The following PXDNL variants were observed in gnomAD, a reference collection of about 807,000 sequenced individuals.
PXDNL encodes peroxidasin like.
A neutral mutation model predicts 150.8 loss-of-function variants in PXDNL; 145 were observed. The ratio of observed to expected loss-of-function variants is 0.96; its 90% CI spans 0.84 to 1.10. PXDNL has a LOEUF of 1.10. PXDNL is among the 50% of genes least tolerant of loss of function. The pLI, the probability that PXDNL is intolerant of heterozygous loss-of-function variation, is 0.00. For synonymous variants in PXDNL, 757 were observed against 725.7 expected, an observed-to-expected ratio of 1.04 and a Z score of -0.69; for missense variants, 2,087 against 1,873.9, an observed-to-expected ratio of 1.11 and a Z score of -2.10.
chr8:51,376,723 CTCTT>C (rs1807322376), intron 17 of PXDNL, among the ~76,000 whole-genome samples: 2 of 149,012 alleles, frequency 1.3e-5, no homozygotes, highest in African/African-American at 5.1e-5. Context: ...CTCTCTCTCT[CTCTT>C]TTTTTTTTTT....
chr8:51,342,925 G>C (rs1212352916), intron 20 of PXDNL, among the ~76,000 whole-genome samples: 1 of 148,852 alleles, frequency 6.7e-6, no homozygotes, highest in Non-Finnish European at 1.5e-5. Flanking sequence ...CCAGTACACA[G>C]TCTATTTTCC....
At chr8:51,710,959 A>G (rs1816484769) in intron 1 of PXDNL, among the ~76,000 whole-genome samples, 2 of 152,204 alleles carry the variant, frequency 1.3e-5, no homozygotes, top group African/African-American at 4.8e-5. Flanking sequence ...ATCAAGAACA[A>G]GATAAGAATG....
intron 8 of PXDNL, among the ~76,000 whole-genome samples, chr8:51,464,020 TAAAA>T (rs5891415): frequency 7.5e-6 from 1 of 132,674 alleles, no homozygotes; most frequent in Non-Finnish European, 1.7e-5. Flanking sequence ...CTAAAGGAAC[TAAAA>T]AAAAAAAAAA....
intron 2 of PXDNL, among the ~76,000 whole-genome samples, chr8:51,634,081 T>C (rs771916180): frequency 4.6e-5 from 7 of 152,152 alleles, no homozygotes; most frequent in Non-Finnish European, 8.8e-5. Flanking sequence ...TGGTATTTCC[T>C]AGGTTTTCTA....
At chr8:51,731,869 C>T (rs577847670) in intron 1 of PXDNL, among the ~76,000 whole-genome samples, 2 of 152,350 alleles carry the variant, frequency 1.3e-5, no homozygotes, top group East Asian at 3.9e-4. Flanking sequence ...CCTGAGACTG[C>T]ACACAGCAAG....
intron 4 of PXDNL, among the ~76,000 whole-genome samples, chr8:51,551,730 T>C (rs534356129): frequency 6.6e-6 from 1 of 152,228 alleles, no homozygotes; most frequent in Admixed American, 6.5e-5. Context: ...TTCTAGAAGA[T>C]AACATTGTAA....
intron 4 of PXDNL, among the ~76,000 whole-genome samples, chr8:51,508,534 A>G (rs1294000508): frequency 6.6e-6 from 1 of 152,062 alleles, no homozygotes; most frequent in Non-Finnish European, 1.5e-5. Context: ...TCCCACCTCA[A>G]TGGGCCTCCT....
In PXDNL at chr8:51,660,180, G is replaced by A. The variant is rs997547386; in HGVS notation, c.165-5420C>T. ...GCTGAGATTACAGGCATGAGCCACC[G>A]CGCCCAGCCCACAATTTAAGATATT... On this transcript the variant is annotated intron_variant, in intron 1 of 22. Coordinates refer to ENST00000356297, the MANE Select transcript of PXDNL (RefSeq NM_144651.5). 3.6e-5 allele frequency among the ~76,000 whole-genome samples: 4 copies of A among 112,222 alleles called. No individual in the cohort carries two copies. In the Admixed American group the frequency reaches 4.0e-4, roughly 11 times the overall value. The allele number at this position is 112,222 out of a possible 152,430, so 73.6% of individuals were successfully genotyped here.
intron 14 of PXDNL, among the ~76,000 whole-genome samples, chr8:51,415,299 T>C (rs1189288898): frequency 6.6e-6 from 1 of 152,184 alleles, no homozygotes; most frequent in Admixed American, 6.5e-5. Context: ...TGAGACTGTG[T>C]AATTTACAAA....
intron 4 of PXDNL, among the ~76,000 whole-genome samples, chr8:51,517,983 G>C (rs1349999028): frequency 6.6e-6 from 1 of 152,178 alleles, no homozygotes; most frequent in African/African-American, 2.4e-5. Flanking sequence ...GTTTGGTGTA[G>C]TTAGTTCCTT....
At chr8:51,376,639 G>A (rs1807318057) in intron 17 of PXDNL, among the ~76,000 whole-genome samples, 1 of 151,862 alleles carries the variant, frequency 6.6e-6, no homozygotes, top group Non-Finnish European at 1.5e-5. Flanking sequence ...TTCACTACAG[G>A]GAAGTGCAGT....
intron 17 of PXDNL, among the ~76,000 whole-genome samples, chr8:51,384,244 G>A (rs1807631479): frequency 6.6e-6 from 1 of 152,008 alleles, no homozygotes; most frequent in Non-Finnish European, 1.5e-5. Context: ...TCAATTTAAG[G>A]GAAGTAAATG....
Position 51,501,272 on chromosome 8 carries a change from ACACT to A in PXDNL, c.381-1506_381-1503del, listed in dbSNP as rs201481363. On this transcript the variant is annotated intron_variant, in intron 4 of 22. Transcript: ENST00000356297. ...ACCTTGGTTGCCTTGAATTATACAC[ACACT>A]CACACTCACTAACAGACTCTCACAC... 7.6e-3 allele frequency among the ~76,000 whole-genome samples: 1,154 copies of A among 152,276 alleles called. 10 individuals are homozygous for A. Among genetic ancestry groups the A allele is most frequent in the Non-Finnish European group, 0.011 (720 of 68,022 alleles).
chr8:51,437,581 C>T (rs974025746), intron 12 of PXDNL, among the ~76,000 whole-genome samples: 5 of 152,118 alleles, frequency 3.3e-5, no homozygotes, highest in African/African-American at 4.8e-5. Flanking sequence ...GAATTAAAAA[C>T]ATAAATCACA....
chr8:51,735,439 C>T (rs112021486), intron 1 of PXDNL, among the ~76,000 whole-genome samples: 7,492 of 151,816 alleles, frequency 0.049, 376 homozygotes, highest in African/African-American at 0.12. Context: ...GAGTCGAGAT[C>T]CTGCCGCTGC....
In PXDNL at chr8:51,409,335, C is replaced by A; in HGVS notation, c.2289G>T (p.Ala763=). ...CCACAGGAAGGCCGAGCCCGCGGGG[C>A]GCGCGGATGCCGTCCCGGTAGGCTG... The part of the protein sequence containing the change: ...LQPAYRDGIR[A]PRGLGLPVGS... Residue 763 remains alanine, a synonymous_variant, in exon 17 of 23, where the codon GCG becomes GCT. Transcript: ENST00000356297. The A allele has an allele frequency of 6.8e-7, 1 of 1,463,582 alleles. No individual in the cohort carries two copies. The highest frequency in any genetic ancestry group is 9.0e-7 in the Non-Finnish European group (1 of 1,113,682). The allele number at this position is 1,463,582 out of a possible 1,614,324, so 90.7% of individuals were successfully genotyped here.
chr8:51,551,050 A>G (rs558976157), intron 4 of PXDNL, among the ~76,000 whole-genome samples: 1 of 152,230 alleles, frequency 6.6e-6, no homozygotes, highest in South Asian at 2.1e-4. Context: ...TCAAGAACTC[A>G]GCCCCTTTTA....
At chr8:51,393,141 T>A (rs1807964288) in intron 17 of PXDNL, among the ~76,000 whole-genome samples, 1 of 152,196 alleles carries the variant, frequency 6.6e-6, no homozygotes. Context: ...GAAAGACAGG[T>A]TTCCACCTTT....
intron 4 of PXDNL, among the ~76,000 whole-genome samples, chr8:51,515,488 C>A (rs950857371): frequency 1.3e-5 from 2 of 152,162 alleles, no homozygotes; most frequent in Non-Finnish European, 2.9e-5. Context: ...TGTACCCAAG[C>A]GCACTGCGGA....
Sources: gnomAD v4.1 joint callset for allele counts (sites outside exome capture counted in the v4.1 genomes callset) on GRCh38, gnomAD v4.1.1 for gene constraint, MANE v1.5 for transcripts, NCBI Gene and HGNC (gene_info 2026-07-23, HGNC 2026-07-21) for gene names.